TAFA2: variants seen among roughly 807,000 people sequenced by gnomAD.
TAFA2 encodes the protein chemokine-like protein TAFA-2.
TAFA2 carries 7 observed loss-of-function variants against 18.8 expected under a neutral mutation model. That is an observed-to-expected ratio of 0.37 (90% CI 0.21 to 0.70). TAFA2 has a LOEUF of 0.70. Ranked by LOEUF, TAFA2 falls within the 30% of genes least tolerant of loss-of-function variation. TAFA2 has a pLI of 0.53. For synonymous variants in TAFA2, 60 were observed against 54.2 expected, an observed-to-expected ratio of 1.11 and a Z score of -0.47; for missense variants, 122 against 158.1, an observed-to-expected ratio of 0.77 and a Z score of 1.23.
chr12:61,769,263 G>A (rs536795333), intron 2 of TAFA2, among the ~76,000 whole-genome samples: 13 of 151,248 alleles, frequency 8.6e-5, no homozygotes, highest in Admixed American at 3.9e-4. Context: ...TACCCACCCC[G>A]GTAGTCAAAG....
At chr12:62,194,678 T>G (rs1003036232), upstream of TAFA2, among the ~76,000 whole-genome samples, 22 of 152,218 alleles carry the variant, frequency 1.4e-4, no homozygotes, top group African/African-American at 5.3e-4. Flanking sequence ...ATAAAATCTT[T>G]TGCATTCTCT....
rs76220510 is a variant in TAFA2 at position 61,722,596 on chromosome 12, G to A, written c.385-12179C>T. ...TAAGAAAAAGCGAGTCGCATATGGAGAAATACATCATCTACACATTTCCAA... is the reference window on the plus strand; with the variant it reads ...TAAGAAAAAGCGAGTCGCATATGGAAAAATACATCATCTACACATTTCCAA... On this transcript the variant is annotated intron_variant, in intron 4 of 4. Coordinates refer to ENST00000416284, the MANE Select transcript of TAFA2 (RefSeq NM_178539.5). 3.8e-3 allele frequency among the ~76,000 whole-genome samples: 575 copies of A among 152,222 alleles called. 5 individuals carry two copies. Among genetic ancestry groups the A allele is most frequent in the African/African-American group, 0.013 (543 of 41,560 alleles).
At chr12:62,250,620 C>T (rs1488778904) in intron 1 of TAFA2, among the ~76,000 whole-genome samples, 1 of 151,804 alleles carries the variant, frequency 6.6e-6, no homozygotes, top group African/African-American at 2.4e-5. Flanking sequence ...TTGAATATTG[C>T]CTGTTTATTT....
At chr12:62,216,041 T>G (rs2062734557) in intron 1 of TAFA2, among the ~76,000 whole-genome samples, 1 of 152,172 alleles carries the variant, frequency 6.6e-6, no homozygotes, top group Non-Finnish European at 1.5e-5. Flanking sequence ...CAAAAGCCAT[T>G]TTCTCAACTA....
At chr12:62,041,461 G>A (rs1280964006) in intron 1 of TAFA2, among the ~76,000 whole-genome samples, 1 of 152,152 alleles carries the variant, frequency 6.6e-6, no homozygotes, top group African/African-American at 2.4e-5. Context: ...TACAGAAATA[G>A]TTAAAAGATA....
chr12:62,205,709 G>A (rs1254979002), intron 1 of TAFA2, among the ~76,000 whole-genome samples: 1 of 152,176 alleles, frequency 6.6e-6, no homozygotes, highest in African/African-American at 2.4e-5. Flanking sequence ...AGACTGGAGT[G>A]GCCATAATGA....
chr12:61,737,000 G>A lies in TAFA2; in HGVS notation c.384+16622C>T, dbSNP rs149035786. ...TCCCATCATAAAGATGAGACATAGA[G>A]ATAGTAATGTGAAAGACTGACTATA... On this transcript the variant is annotated intron_variant, in intron 4 of 4. Coordinates refer to ENST00000416284, the MANE Select transcript of TAFA2 (RefSeq NM_178539.5). 5.0e-3 allele frequency among the ~76,000 whole-genome samples: 753 copies of A among 152,068 alleles called. 6 individuals carry two copies. The highest frequency in any genetic ancestry group is 0.016 in the African/African-American group (677 of 41,516).
intron 1 of TAFA2, among the ~76,000 whole-genome samples, chr12:61,932,286 T>C (rs979214350): frequency 6.6e-6 from 1 of 152,204 alleles, no homozygotes; most frequent in Admixed American, 6.5e-5. Context: ...TGCACATTCC[T>C]TTTTGAATGT....
intron 2 of TAFA2, chr12:61,776,229 A>G: frequency 5.2e-6 from 1 of 192,752 alleles, no homozygotes; most frequent in Non-Finnish European, 1.1e-5. Context: ...GAGCTGAAAT[A>G]GCTTCCTGAA....
chr12:62,219,730 A>C (rs1287015677), intron 1 of TAFA2, among the ~76,000 whole-genome samples: 1 of 152,190 alleles, frequency 6.6e-6, no homozygotes, highest in Non-Finnish European at 1.5e-5. Flanking sequence ...CTCACCCAGT[A>C]CATGAAAACT....
At chr12:61,828,983 C>T (rs964183514) in intron 2 of TAFA2, among the ~76,000 whole-genome samples, 5 of 151,596 alleles carry the variant, frequency 3.3e-5, no homozygotes, top group African/African-American at 4.8e-5. Flanking sequence ...GACAGTATGA[C>T]CTGAATACCA....
At chr12:62,169,850 CA>C (rs11373929) in intron 1 of TAFA2, among the ~76,000 whole-genome samples, 2,655 of 90,038 alleles carry the variant, frequency 0.029, 34 homozygotes, top group African/African-American at 0.095. Context: ...GACTCCGTCT[CA>C]AAAAAAAAAA....
upstream of TAFA2, among the ~76,000 whole-genome samples, chr12:62,195,109 TA>T (rs2062643695): frequency 6.6e-6 from 1 of 152,162 alleles, no homozygotes; most frequent in Non-Finnish European, 1.5e-5. Context: ...AATAAGACAA[TA>T]ATGAGGTTTG....
At chr12:62,147,423 G>T (rs2062293278) in intron 1 of TAFA2, among the ~76,000 whole-genome samples, 3 of 145,628 alleles carry the variant, frequency 2.1e-5, no homozygotes, top group Admixed American at 2.1e-4. Context: ...TAACCAAAGA[G>T]CTTCTGCACA....
intron 1 of TAFA2, among the ~76,000 whole-genome samples, chr12:61,916,814 TTAATC>T (rs1876840270): frequency 1.3e-5 from 2 of 152,206 alleles, no homozygotes; most frequent in Admixed American, 1.3e-4. Context: ...AAATATCAAA[TTAATC>T]TAACATGCTC....
upstream of TAFA2, chr12:62,259,558 A>T (rs961086886): frequency 1.3e-5 from 2 of 152,244 alleles, no homozygotes; most frequent in Admixed American, 6.5e-5. Flanking sequence ...CGTTGACTTC[A>T]AATTAAAGAC....
chr12:62,237,034 A>T (rs1239538421), intron 1 of TAFA2, among the ~76,000 whole-genome samples: 2 of 152,156 alleles, frequency 1.3e-5, no homozygotes, highest in African/African-American at 4.8e-5. Flanking sequence ...TTGAATAGTC[A>T]TTCTACCCCT....
chr12:62,103,852 T>G (rs1869321186), intron 1 of TAFA2, among the ~76,000 whole-genome samples: 1 of 151,936 alleles, frequency 6.6e-6, no homozygotes, highest in Non-Finnish European at 1.5e-5. Flanking sequence ...ATGAACAATG[T>G]CTAATTATTC....
intron 1 of TAFA2, among the ~76,000 whole-genome samples, chr12:62,188,283 AC>A (rs145101212): frequency 0.078 from 11,914 of 152,282 alleles, 588 homozygotes; most frequent in Middle Eastern, 0.18. Flanking sequence ...CCTTATTTTT[AC>A]TTGAATCTTC....
Sources: allele counts gnomAD v4.1 joint callset (sites outside exome capture counted in the v4.1 genomes callset), GRCh38; gene constraint gnomAD v4.1.1; transcripts MANE v1.5; gene names NCBI Gene and HGNC (gene_info 2026-07-23, HGNC 2026-07-21).